Variants in UBTD2 observed in about 807,000 individuals in gnomAD.
UBTD2 encodes the protein ubiquitin domain-containing protein 2.
A neutral mutation model predicts 19.8 loss-of-function variants in UBTD2; 9 were observed. The observed-to-expected ratio is 0.46, with a 90% confidence interval of 0.27 to 0.79. UBTD2 has a LOEUF of 0.79. Among genes scored for constraint, UBTD2 ranks in the 30% least tolerant of loss-of-function variants. The probability of loss-of-function intolerance (pLI) is 0.14; values close to 1 mark genes in which losing one functional copy is unlikely to be tolerated. For synonymous variants in UBTD2, 98 were observed against 103.9 expected (o/e 0.94, Z 0.35); for missense variants, 250 against 300.4 (o/e 0.83, Z 1.24).
At chr5:172,213,884 C>G (rs1771496975) in intron 2 of UBTD2, among the ~76,000 whole-genome samples, 1 of 152,096 alleles carries the variant, frequency 6.6e-6, no homozygotes, top group Admixed American at 6.6e-5. Context: ...CCTCCTGGGT[C>G]CAAGTAATTC....
chr5:172,245,710 T>TC (rs1228834503), intron 1 of UBTD2, among the ~76,000 whole-genome samples: 14 of 116,218 alleles, frequency 1.2e-4, no homozygotes, highest in Admixed American at 4.5e-4. Flanking sequence ...AGACACTGAC[T>TC]CAAAAAAAAA....
In UBTD2 at chr5:172,274,313, G is replaced by C. The variant is rs186558515; in HGVS notation, c.70+9283C>G. On this transcript the variant is annotated intron_variant, in intron 1 of 2. Transcript: ENST00000393792. ...GTGCCACCATGCCCAGCTAATTTTT[G>C]TATTTTTAGCAGAGACAGGCTTTCA... Among the ~76,000 whole-genome samples, 3 of 151,708 alleles carry C rather than the reference G, an allele frequency of 2.0e-5. No homozygotes were observed. In the East Asian group the frequency reaches 5.8e-4, roughly 30 times the overall value.
intron 1 of UBTD2, among the ~76,000 whole-genome samples, chr5:172,256,975 ATTC>A (rs1298893745): frequency 6.6e-6 from 1 of 152,064 alleles, no homozygotes; most frequent in Admixed American, 6.6e-5. Flanking sequence ...TTCTTGATGA[ATTC>A]TTTTTTTTCT....
intron 1 of UBTD2, among the ~76,000 whole-genome samples, chr5:172,248,567 G>A (rs376731958): frequency 6.6e-6 from 1 of 150,462 alleles, no homozygotes; most frequent in Non-Finnish European, 1.5e-5. Context: ...CAGCCTGGGC[G>A]ACAGAGCGAG....
At chr5:172,227,665 G>A (rs1406352548) in intron 2 of UBTD2, among the ~76,000 whole-genome samples, 1 of 148,502 alleles carries the variant, frequency 6.7e-6, no homozygotes, top group Admixed American at 6.7e-5. Context: ...TTATAGGCGT[G>A]AGCCACCATG....
At chr5:172,268,547 G>A (rs1007142843) in intron 1 of UBTD2, among the ~76,000 whole-genome samples, 2 of 152,154 alleles carry the variant, frequency 1.3e-5, no homozygotes, top group East Asian at 3.8e-4. Flanking sequence ...AGGAGTTCAA[G>A]ACCAGCCTGG....
intron 1 of UBTD2, among the ~76,000 whole-genome samples, chr5:172,258,455 GCTTTTTGGC>G (rs757991316): frequency 2.6e-5 from 4 of 152,104 alleles, no homozygotes; most frequent in Admixed American, 6.6e-5. Context: ...GATTGTTTTG[GCTTTTTGGC>G]CTTTTTGGTT....
At chr5:172,235,185 G>A (rs1309572044) in intron 1 of UBTD2, among the ~76,000 whole-genome samples, 1 of 152,180 alleles carries the variant, frequency 6.6e-6, no homozygotes. Context: ...GGATATGAGA[G>A]TCAAGAGACA....
chr5:172,234,018 T>A, intron 2 of UBTD2, 104 bp downstream of exon 2: 14 of 1,206,404 alleles, frequency 1.2e-5, no homozygotes, highest in South Asian at 4.3e-5. Flanking sequence ...AAAAAAAAAG[T>A]TAGAATAATT....
intron 1 of UBTD2, among the ~76,000 whole-genome samples, chr5:172,272,097 A>G (rs1415534189): frequency 6.6e-6 from 1 of 152,252 alleles, no homozygotes; most frequent in African/African-American, 2.4e-5. Context: ...TTCAGAAAAC[A>G]GAGCAATAAT....
intron 1 of UBTD2, among the ~76,000 whole-genome samples, chr5:172,243,899 T>C (rs1772183477): frequency 1.3e-5 from 2 of 152,008 alleles, no homozygotes; most frequent in Admixed American, 1.3e-4. Context: ...ACCACAGAGT[T>C]ATATGGCTGA....
chr5:172,251,362 T>G (rs998558090), intron 1 of UBTD2, among the ~76,000 whole-genome samples: 42 of 148,046 alleles, frequency 2.8e-4, no homozygotes, highest in Non-Finnish European at 6.1e-4. Context: ...GATGGGTTCC[T>G]GTCAGAAATA....
At position 172,262,771 on chromosome 5, in the gene UBTD2, C is replaced by T. The variant is rs190482998; in HGVS notation, c.70+20825G>A. ...TGGAGGTTGCAGTAGGCCAAGATCACGCCACTGCCCTCCAGCCCAGGTGAC... is the reference window on the plus strand; with the variant it reads ...TGGAGGTTGCAGTAGGCCAAGATCATGCCACTGCCCTCCAGCCCAGGTGAC... On this transcript the variant is annotated intron_variant, in intron 1 of 2. Transcript: ENST00000393792. Among the ~76,000 whole-genome samples the T allele has an allele frequency of 5.3e-5, 8 of 152,066 alleles. No individual in the cohort carries two copies. The East Asian group carries it at 5.8e-4, about 11-fold the overall frequency.
chr5:172,245,896 T>C (rs1044238056), intron 1 of UBTD2, among the ~76,000 whole-genome samples: 1 of 152,186 alleles, frequency 6.6e-6, no homozygotes, highest in African/African-American at 2.4e-5. Context: ...GATTGCCTGC[T>C]GAAACAAAAC....
At chr5:172,232,486 T>TA (rs1349604026) in intron 2 of UBTD2, among the ~76,000 whole-genome samples, 16 of 151,776 alleles carry the variant, frequency 1.1e-4, no homozygotes, top group Admixed American at 3.9e-4. Context: ...CAGGCAGCTA[T>TA]AAAAAAAAGG....
chr5:172,257,017 A>G (rs770287854), intron 1 of UBTD2, among the ~76,000 whole-genome samples: 7 of 152,106 alleles, frequency 4.6e-5, no homozygotes, highest in African/African-American at 1.4e-4. Context: ...GTTCGGAGGT[A>G]TATGTGCAGG....
intron 1 of UBTD2, among the ~76,000 whole-genome samples, chr5:172,251,751 A>G (rs566553884): frequency 6.6e-6 from 1 of 152,356 alleles, no homozygotes; most frequent in East Asian, 1.9e-4. Context: ...GACCTGTCTT[A>G]CAAGAAATGC....
intron 1 of UBTD2, among the ~76,000 whole-genome samples, chr5:172,280,036 A>C (rs2113145150): frequency 6.6e-6 from 1 of 152,030 alleles, no homozygotes; most frequent in East Asian, 1.9e-4. Flanking sequence ...GGGAGGGCGG[A>C]GTTTGCAGTG....
chr5:172,256,366 G>A (rs1193726244), intron 1 of UBTD2, among the ~76,000 whole-genome samples: 1 of 149,918 alleles, frequency 6.7e-6, no homozygotes, highest in East Asian at 2.0e-4. Context: ...TAGGATAAAT[G>A]TGGTTTACTT....
Sources: gnomAD v4.1 joint callset for allele counts (sites outside exome capture counted in the v4.1 genomes callset) on GRCh38, gnomAD v4.1.1 for gene constraint, MANE v1.5 for transcripts, NCBI Gene and HGNC (gene_info 2026-07-23, HGNC 2026-07-21) for gene names.